MOB4: variants seen among roughly 807,000 people sequenced by gnomAD.
MOB4 encodes MOB family member 4, phocein, also known as MOB-like protein phocein.
In MOB4, 4 loss-of-function variants were observed where a neutral mutation model predicts 32.2. The observed-to-expected ratio is 0.12, with a 90% CI of 0.06 to 0.28. MOB4 has a LOEUF of 0.28. MOB4 is among the 10% of genes least tolerant of loss of function. The probability of loss-of-function intolerance (pLI) is 1.00; values close to 1 mark genes in which losing one functional copy is unlikely to be tolerated. For synonymous variants in MOB4, 88 were observed against 88.1 expected, an observed-to-expected ratio of 1.00 and a Z score of 0.01; for missense variants, 158 against 271.2, an observed-to-expected ratio of 0.58 and a Z score of 2.93.
chr2:197,537,744 A>C (rs759673661), intron 3 of MOB4, among the ~76,000 whole-genome samples: 4 of 152,078 alleles, frequency 2.6e-5, no homozygotes, highest in Non-Finnish European at 5.9e-5. Context: ...CCTTTGCTTT[A>C]TTTTTATCAG....
chr2:197,548,174 T>C (rs2087031616), intron 5 of MOB4, among the ~76,000 whole-genome samples, 162 bp from the exon 6 acceptor site: 1 of 151,208 alleles, frequency 6.6e-6, no homozygotes, highest in Non-Finnish European at 1.5e-5. Context: ...TAAACCTTAC[T>C]TATTAATATA....
intron 3 of MOB4, among the ~76,000 whole-genome samples, chr2:197,536,431 C>T (rs759492307): frequency 4.0e-5 from 6 of 151,858 alleles, no homozygotes; most frequent in Middle Eastern, 3.2e-3. Context: ...TCTCAAACTC[C>T]GGGGCTTAAG....
chr2:197,522,475 C>T (rs981872921), intron 1 of MOB4, among the ~76,000 whole-genome samples: 6 of 151,254 alleles, frequency 4.0e-5, no homozygotes, highest in Admixed American at 6.6e-5. Context: ...GGATTACAGG[C>T]GCACGCCACC....
At chr2:197,518,578 T>C (rs1366843117) in intron 1 of MOB4, among the ~76,000 whole-genome samples, 1 of 150,620 alleles carries the variant, frequency 6.6e-6, no homozygotes, top group Non-Finnish European at 1.5e-5. Flanking sequence ...TTTTTTTGTG[T>C]GTGAGGCAGA....
chr2:197,515,815 C>T (rs2086396743), upstream of MOB4: 3 of 512,878 alleles, frequency 5.8e-6, no homozygotes, highest in Non-Finnish European at 1.0e-5. Flanking sequence ...CCTTTCAAAC[C>T]GCCCCGCAGC....
chr2:197,517,753 A>G (rs371742126), intron 1 of MOB4, among the ~76,000 whole-genome samples: 257 of 152,334 alleles, frequency 1.7e-3, no homozygotes, highest in Middle Eastern at 3.4e-3. Context: ...TGTTTATCAC[A>G]TGAATTTCGT....
chr2:197,549,652 C>T (rs975904349), intron 6 of MOB4, among the ~76,000 whole-genome samples: 1 of 151,892 alleles, frequency 6.6e-6, no homozygotes, highest in Non-Finnish European at 1.5e-5. Flanking sequence ...TGGGTTCAAG[C>T]GTTTCTCCTG....
At chr2:197,529,645 C>G (rs1436030720) in intron 2 of MOB4, among the ~76,000 whole-genome samples, 1 of 152,018 alleles carries the variant, frequency 6.6e-6, no homozygotes, top group African/African-American at 2.4e-5. Flanking sequence ...AGCCACTGTG[C>G]CCGGCCTTAT....
At chr2:197,524,530 C>CAAAAAAA (rs58552334) in intron 2 of MOB4, among the ~76,000 whole-genome samples, 6 of 108,962 alleles carry the variant, frequency 5.5e-5, no homozygotes, top group Non-Finnish European at 9.6e-5. Context: ...GACTCTGTCT[C>CAAAAAAA]AAAAAAAAAA....
At chr2:197,518,420 C>G (rs1233303179) in intron 1 of MOB4, among the ~76,000 whole-genome samples, 1 of 151,886 alleles carries the variant, frequency 6.6e-6, no homozygotes, top group Admixed American at 6.6e-5. Context: ...CAGGCGCGTG[C>G]CACCACGCCC....
intron 3 of MOB4, among the ~76,000 whole-genome samples, chr2:197,538,501 TC>T (rs1365395941): frequency 6.6e-6 from 1 of 152,086 alleles, no homozygotes; most frequent in African/African-American, 2.4e-5. Context: ...GGTCATGACT[TC>T]AGTCATATCT....
chr2:197,550,378 G>C lies in MOB4; in HGVS notation c.538G>C (p.Glu180Gln). 1 of 1,613,386 alleles carries C rather than the reference G, an allele frequency of 6.2e-7. No individual in the cohort carries two copies. The highest frequency in any genetic ancestry group is 1.3e-5 in the African/African-American group (1 of 75,010). Residue 180 changes from glutamate to glutamine, a missense_variant, in exon 7 of 8, where the codon GAA (glutamate) becomes CAA (glutamine). Transcript: ENST00000323303. ...AYFHHRQIFD[E>Q]YENETFLCHR... Reference sequence around the variant, plus strand: ...TTTTCATCATCGGCAGATATTTGATGAATATGAAGTAAGTATATTTCACTG... The same window carrying C: ...TTTTCATCATCGGCAGATATTTGATCAATATGAAGTAAGTATATTTCACTG...
Position 197,516,430 on chromosome 2 carries a change from G to T in MOB4, c.60+284G>T, listed in dbSNP as rs897773968. Reference sequence around the variant, plus strand: ...GCCCTGGGCTGCGAGCCTGTCAGCAGCAACGGCTTCTTCTCGCCTTGCCCC... The same window carrying T: ...GCCCTGGGCTGCGAGCCTGTCAGCATCAACGGCTTCTTCTCGCCTTGCCCC... On this transcript the variant is annotated intron_variant, in intron 1 of 7. Transcript: ENST00000323303. 4.7e-5 allele frequency: 62 copies of T among 1,323,318 alleles called. No individual in the cohort carries two copies. The South Asian group carries it at 8.6e-4, about 18-fold the overall frequency. The allele number at this position is 1,323,318 out of a possible 1,614,324, so 82.0% of individuals were successfully genotyped here.
chr2:197,549,235 A>AAG lies in MOB4; in HGVS notation c.434+823_434+824dup, dbSNP rs545346336. On this transcript the variant is annotated intron_variant, in intron 6 of 7. Coordinates refer to ENST00000323303, the MANE Select transcript of MOB4 (RefSeq NM_015387.5). ...AAGAGCGAAACTGTCTCAAAAAAAA[A>AAG]AGAGCAGACTTTCTTATTTGTTTTT... Among the ~76,000 whole-genome samples the AAG allele has an allele frequency of 2.8e-3, 427 of 152,242 alleles. 3 individuals are homozygous for AAG. Among genetic ancestry groups the AAG allele is most frequent in the South Asian group, 8.3e-3 (40 of 4,828 alleles).
At chr2:197,516,026 C>A, upstream of MOB4, 1 of 1,520,210 alleles carries the variant, frequency 6.6e-7, no homozygotes, top group Non-Finnish European at 8.9e-7. Flanking sequence ...TGCCCCGCCC[C>A]CCGCGCAGGC....
In MOB4 at chr2:197,547,020, A is replaced by G. The variant is rs141419924; in HGVS notation, c.355-1316A>G. The stretch of plus-strand genomic sequence containing the variant: ...CAGCACTTTGGGAGGCTGAGATGGG[A>G]GGATCGCTTGAGGCCAGGAGTTCGA... On this transcript the variant is annotated intron_variant, in intron 5 of 7. Transcript: ENST00000323303. 4.1e-3 allele frequency among the ~76,000 whole-genome samples: 629 copies of G among 152,272 alleles called. 3 individuals carry two copies. The highest frequency in any genetic ancestry group is 0.02 in the Middle Eastern group (6 of 294).
chr2:197,527,183 C>T (rs1159014702), intron 2 of MOB4, among the ~76,000 whole-genome samples: 13 of 151,726 alleles, frequency 8.6e-5, no homozygotes, highest in Non-Finnish European at 1.6e-4. Flanking sequence ...AAAAGGGGGG[C>T]GTCGATTGGA....
chr2:197,538,038 A>G (rs2086832862), intron 3 of MOB4, among the ~76,000 whole-genome samples: 2 of 152,100 alleles, frequency 1.3e-5, no homozygotes, highest in African/African-American at 2.4e-5. Flanking sequence ...TTGGCCTCCC[A>G]AAGTGCTGGG....
chr2:197,535,208 G>T (rs1043506403), intron 2 of MOB4, among the ~76,000 whole-genome samples: 1 of 145,316 alleles, frequency 6.9e-6, no homozygotes, highest in East Asian at 2.1e-4. Context: ...GGGTGATGCA[G>T]TGAGACCCTG....
Sources: allele counts gnomAD v4.1 joint callset (sites outside exome capture counted in the v4.1 genomes callset), GRCh38; gene constraint gnomAD v4.1.1; transcripts MANE v1.5; gene names NCBI Gene and HGNC (gene_info 2026-07-23, HGNC 2026-07-21).